Variants in AP3S2 observed in about 807,000 individuals in gnomAD.
AP3S2 encodes the protein adaptor related protein complex 3 subunit sigma 2.
A neutral mutation model predicts 23.4 loss-of-function variants in AP3S2; 22 were observed. That is an observed-to-expected ratio of 0.94 (90% confidence interval 0.67 to 1.34). AP3S2 has a LOEUF of 1.34. Ranked by LOEUF, AP3S2 falls within the 40% of genes most tolerant of loss-of-function variation. The pLI is 0.00. For missense variants in AP3S2, 241 were observed against 236.9 expected (o/e 1.02, Z -0.11); for synonymous variants, 86 against 87.1 (o/e 0.99, Z 0.07).
rs1436913113 is a variant in AP3S2, at chr15:89,888,624, CCAAT to C, written c.166_169del (p.Ile56ValfsTer7). ...GTAGATCAGTTTGTAGTCAGAGCCA[CCAAT>C]CAAACTGCAGAAGATGGGAAACATT... is the stretch of plus-strand genomic sequence containing the variant. On this transcript the variant is annotated frameshift_variant, in exon 3 of 6. Transcript: ENST00000336418. LOFTEE classifies it high-confidence loss of function. 13 of 1,613,950 alleles carry C rather than the reference CCAAT, an allele frequency of 8.1e-6. No homozygotes were observed. The highest frequency in any genetic ancestry group is 1.0e-5 in the Non-Finnish European group (12 of 1,180,004).
intron 3 of AP3S2, among the ~76,000 whole-genome samples, chr15:89,873,359 A>G (rs1292124107): frequency 1.3e-5 from 2 of 149,796 alleles, no homozygotes; most frequent in Non-Finnish European, 3.0e-5. Context: ...ATCTTGGCTC[A>G]CTGCAGCCTC....
At chr15:89,844,249 TTCTTTCTTTCTTTCTTTCTTTCTCTC>T (rs1450524720) in intron 4 of AP3S2, among the ~76,000 whole-genome samples, 19 of 50,228 alleles carry the variant, frequency 3.8e-4, no homozygotes, top group Middle Eastern at 0.011. Flanking sequence ...CTTTCTTTCT[TTCTTTCTTTCTTTCTTTCTTTCTCTC>T]TCTCTCTCTT....
At chr15:89,870,587 T>C (rs76227323) in intron 4 of AP3S2, among the ~76,000 whole-genome samples, 5 of 152,220 alleles carry the variant, frequency 3.3e-5, no homozygotes, top group South Asian at 2.1e-4. Context: ...GAAGACCCTA[T>C]TGAAAAACAA....
intron 4 of AP3S2, among the ~76,000 whole-genome samples, chr15:89,859,395 C>CTTTT (rs1567179219): frequency 5.2e-5 from 4 of 76,446 alleles, no homozygotes; most frequent in Admixed American, 1.8e-4. Context: ...CCTTTTCTTT[C>CTTTT]TTTCTTTTTT....
chr15:89,836,123 C>T (rs1423169949), intron 5 of AP3S2, among the ~76,000 whole-genome samples: 3 of 152,098 alleles, frequency 2.0e-5, no homozygotes, highest in Admixed American at 6.6e-5. Flanking sequence ...CCCCTTATTC[C>T]TCAAAAGTAG....
At chr15:89,892,199 T>C (rs1478864805) in intron 1 of AP3S2, among the ~76,000 whole-genome samples, 1 of 152,200 alleles carries the variant, frequency 6.6e-6, no homozygotes, top group Non-Finnish European at 1.5e-5. Context: ...ATTCTGGAAC[T>C]GGCAAATTTA....
intron 4 of AP3S2, among the ~76,000 whole-genome samples, chr15:89,840,668 TC>T (rs1388814195): frequency 1.3e-5 from 2 of 152,078 alleles, no homozygotes; most frequent in Admixed American, 6.6e-5. Context: ...CCTCAGATGA[TC>T]CCCCTGCCTT....
At chr15:89,885,970 T>A (rs17241560) in intron 3 of AP3S2, among the ~76,000 whole-genome samples, 64,320 of 148,830 alleles carry the variant, frequency 0.43, 14,314 homozygotes, top group East Asian at 0.62. Flanking sequence ...AACTTTTTAG[T>A]TCCTATTATT....
chr15:89,859,600 G>C (rs2141865376), intron 4 of AP3S2, among the ~76,000 whole-genome samples: 1 of 151,524 alleles, frequency 6.6e-6, no homozygotes, highest in African/African-American at 2.4e-5. Context: ...TCACCACGTT[G>C]GCCAGGCTGG....
rs1895110881 is a variant in AP3S2, at chr15:89,832,900, T to A, written c.*2615A>T. 1 of 152,226 alleles carries A rather than the reference T, an allele frequency of 6.6e-6. No individual in the cohort carries two copies. The highest frequency in any genetic ancestry group is 1.5e-5 in the Non-Finnish European group (1 of 68,040). The allele number at this position is 152,226 out of a possible 1,614,324, so 9.4% of individuals were successfully genotyped here. On this transcript the variant is annotated 3_prime_UTR_variant, in exon 6 of 6. Transcript: ENST00000336418. ...GTTAATGAAAAATTATTGTGGCTTG[T>A]CCAAAGGGATTGAGTTTTCCAAATA...
At position 89,889,340 on chromosome 15, in the gene AP3S2, TA is replaced by T; in HGVS notation, c.70-201del. 6.8e-6 allele frequency: 4 copies of T among 588,430 alleles called. No individual in the cohort carries two copies. In the East Asian group the frequency reaches 1.2e-4, roughly 17 times the overall value. The allele number at this position is 588,430 out of a possible 1,614,324, so 36.5% of individuals were successfully genotyped here. A position where few individuals can be genotyped will look rare whatever the true frequency, so the allele number is the denominator to read the frequency against. On this transcript the variant is annotated intron_variant, in intron 1 of 5. Coordinates refer to ENST00000336418, the MANE Select transcript of AP3S2 (RefSeq NM_005829.5). Reference sequence around the variant, plus strand: ...GGTGACAATGCTCTGATACAGGAATTAAGATAGGGTATATTTACCTAAATAT... The same window carrying T: ...GGTGACAATGCTCTGATACAGGAATTAGATAGGGTATATTTACCTAAATAT...
chr15:89,868,653 GC>G (rs2141877829), intron 4 of AP3S2, among the ~76,000 whole-genome samples: 1 of 116,182 alleles, frequency 8.6e-6, no homozygotes, highest in Admixed American at 7.8e-5. Flanking sequence ...GAAGTGAGGA[GC>G]CCCTCTGCCC....
intron 1 of AP3S2, among the ~76,000 whole-genome samples, chr15:89,889,863 CAAAA>C (rs940624860): frequency 5.2e-5 from 1 of 19,262 alleles, no homozygotes; most frequent in African/African-American, 1.6e-4. Flanking sequence ...GACTCCATCT[CAAAA>C]AAAAAAAAAA....
chr15:89,880,548 C>T (rs1360567817), intron 3 of AP3S2, among the ~76,000 whole-genome samples: 1 of 151,960 alleles, frequency 6.6e-6, no homozygotes, highest in Non-Finnish European at 1.5e-5. Context: ...GTGGTGGGCG[C>T]CTATAGTCCC....
At chr15:89,888,480 A>T in intron 3 of AP3S2, 41 bp downstream of exon 3, 1 of 1,598,296 alleles carries the variant, frequency 6.3e-7, no homozygotes, top group Non-Finnish European at 8.6e-7. Context: ...TCCCGTGGAA[A>T]CTCTCTAAAG....
chr15:89,838,769 G>T (rs1895255455), intron 4 of AP3S2, among the ~76,000 whole-genome samples: 1 of 152,188 alleles, frequency 6.6e-6, no homozygotes, highest in Non-Finnish European at 1.5e-5. Flanking sequence ...AGAGACAGTG[G>T]GAGGATGGAA....
At chr15:89,837,416 G>C (rs1407880825) in intron 5 of AP3S2, among the ~76,000 whole-genome samples, 199 bp downstream of exon 5, 1 of 152,140 alleles carries the variant, frequency 6.6e-6, no homozygotes, top group Non-Finnish European at 1.5e-5. Context: ...GAAAATCTGA[G>C]ATTTCAAACT....
intron 4 of AP3S2, among the ~76,000 whole-genome samples, chr15:89,858,547 AAGAAAGAAAGAAAG>A (rs1392580127): frequency 1.5e-3 from 179 of 116,976 alleles, no homozygotes; most frequent in African/African-American, 5.1e-3. Flanking sequence ...GAAAGAAAGA[AAGAAAGAAAGAAAG>A]AGAAACTCTA....
chr15:89,858,511 GAGAGAGAGAGAGAGAAAGAAAGAAAGAA>G (rs201983179), intron 4 of AP3S2, among the ~76,000 whole-genome samples: 5,237 of 55,174 alleles, frequency 0.095, 182 homozygotes, highest in African/African-American at 0.17. Flanking sequence ...GAGAGAGAGA[GAGAGAGAGAGAGAGAAAGAAAGAAAGAA>G]AGAAAGAAAG....
Sources: gnomAD v4.1 joint callset for allele counts (sites outside exome capture counted in the v4.1 genomes callset) on GRCh38, gnomAD v4.1.1 for gene constraint, MANE v1.5 for transcripts, NCBI Gene and HGNC (gene_info 2026-07-23, HGNC 2026-07-21) for gene names.